Variants in KCNN3 observed in about 807,000 individuals in gnomAD.
The protein encoded by KCNN3 is small conductance calcium-activated potassium channel protein 3.
KCNN3 carries 16 observed loss-of-function variants against 62.9 expected under a neutral mutation model. The observed-to-expected ratio is 0.25, with a 90% confidence interval of 0.17 to 0.39. The LOEUF is 0.39. Among genes scored for constraint, KCNN3 ranks in the 10% least tolerant of loss-of-function variants. The pLI is 1.00. For synonymous variants in KCNN3, 370 were observed against 389.2 expected (o/e 0.95, Z 0.58); for missense variants, 599 against 949.4 (o/e 0.63, Z 4.85).
At chr1:154,727,423 C>A (rs1266630236) in intron 4 of KCNN3, among the ~76,000 whole-genome samples, 1 of 152,192 alleles carries the variant, frequency 6.6e-6, no homozygotes, top group Non-Finnish European at 1.5e-5. Context: ...TGGGTGGATC[C>A]ATTCCCTACT....
intron 2 of KCNN3, among the ~76,000 whole-genome samples, chr1:154,783,759 G>A (rs1026444975): frequency 2.0e-5 from 3 of 152,226 alleles, no homozygotes; most frequent in Admixed American, 1.3e-4. Flanking sequence ...GGAGGCCGGA[G>A]CCCACTGAGG....
intron 2 of KCNN3, among the ~76,000 whole-genome samples, chr1:154,813,112 C>T (rs1650497640): frequency 6.6e-6 from 1 of 152,054 alleles, no homozygotes; most frequent in African/African-American, 2.4e-5. Context: ...AAGTGATCAG[C>T]ATCCCAGACA....
At chr1:154,838,598 C>T (rs1233620614) in intron 1 of KCNN3, among the ~76,000 whole-genome samples, 1 of 152,204 alleles carries the variant, frequency 6.6e-6, no homozygotes, top group East Asian at 1.9e-4. Context: ...GAACAACCTC[C>T]CTGCCTTAGC....
At chr1:154,765,047 A>G (rs1270600835) in intron 3 of KCNN3, among the ~76,000 whole-genome samples, 1 of 152,204 alleles carries the variant, frequency 6.6e-6, no homozygotes, top group African/African-American at 2.4e-5. Context: ...AGGGAGAGTC[A>G]GCTCTGGGAT....
chr1:154,788,742 T>C (rs1385394991), intron 2 of KCNN3, among the ~76,000 whole-genome samples: 1 of 152,218 alleles, frequency 6.6e-6, no homozygotes, highest in East Asian at 1.9e-4. Context: ...ACGTGCTTTT[T>C]AGTTATTTTA....
At chr1:154,787,613 T>G (rs1702180) in intron 2 of KCNN3, among the ~76,000 whole-genome samples, 1,994 of 152,238 alleles carry the variant, frequency 0.013, 37 homozygotes, top group African/African-American at 0.044. Context: ...CTGCTGTGTG[T>G]TCAATGCCCA....
At chr1:154,826,062 C>CA (rs66840003) in intron 1 of KCNN3, among the ~76,000 whole-genome samples, 1 of 129,418 alleles carries the variant, frequency 7.7e-6, no homozygotes, top group African/African-American at 3.3e-5. Context: ...AAAACAAAAA[C>CA]AAAAACAAAA....
At position 154,705,446 on chromosome 1, in the gene KCNN3, A is replaced by G. The variant is rs1043631278; in HGVS notation, c.*2530T>C. 8 of 152,008 alleles carry G rather than the reference A, an allele frequency of 5.3e-5. No individual in the cohort carries two copies. Among genetic ancestry groups the G allele is most frequent in the African/African-American group, 1.9e-4 (8 of 41,400 alleles). 9.4% of individuals were successfully genotyped at this position (152,008 alleles called of 1,614,324 possible). ...AAAAATCATGTATAGCTATTGCACT[A>G]CCAATAGGTCAATTCATGCTACAAA... On this transcript the variant is annotated 3_prime_UTR_variant, in exon 8 of 8. Transcript: ENST00000271915.
intron 2 of KCNN3, among the ~76,000 whole-genome samples, chr1:154,778,513 G>A (rs6426929): frequency 0.47 from 71,484 of 151,606 alleles, 17,115 homozygotes; most frequent in Middle Eastern, 0.6. Context: ...AAAGGCCACA[G>A]ATTCCTCCCA....
chr1:154,843,025 G>A (rs1381742973), intron 1 of KCNN3, among the ~76,000 whole-genome samples: 1 of 152,170 alleles, frequency 6.6e-6, no homozygotes, highest in Non-Finnish European at 1.5e-5. Flanking sequence ...CGAAGGACCT[G>A]ACACTTATAA....
intron 1 of KCNN3, among the ~76,000 whole-genome samples, chr1:154,844,602 T>C (rs985651663): frequency 6.6e-6 from 1 of 152,264 alleles, no homozygotes; most frequent in Non-Finnish European, 1.5e-5. Context: ...TCTGGGTTTG[T>C]ATCGCTTTTT....
At chr1:154,742,492 G>A (rs1048415099) in intron 3 of KCNN3, among the ~76,000 whole-genome samples, 2 of 152,178 alleles carry the variant, frequency 1.3e-5, no homozygotes, top group African/African-American at 4.8e-5. Flanking sequence ...GTTACTGTGA[G>A]GGTTAAAGGA....
At chr1:154,828,824 T>C (rs1651259340) in intron 1 of KCNN3, among the ~76,000 whole-genome samples, 1 of 152,266 alleles carries the variant, frequency 6.6e-6, no homozygotes, top group Non-Finnish European at 1.5e-5. Context: ...AGCTGCTCAC[T>C]GCACCCCCAA....
chr1:154,714,788 G>C (rs1401918550), intron 6 of KCNN3, 88 bp downstream of exon 6: 4 of 1,546,708 alleles, frequency 2.6e-6, no homozygotes, highest in Non-Finnish European at 3.6e-6. Context: ...GAACAGAATG[G>C]ATTTCTTCTG....
chr1:154,768,723 G>A (rs1375397149), intron 3 of KCNN3, among the ~76,000 whole-genome samples: 1 of 152,166 alleles, frequency 6.6e-6, no homozygotes, highest in Non-Finnish European at 1.5e-5. Flanking sequence ...CCTGGAGGGG[G>A]CATCTGTCCC....
At chr1:154,780,002 C>A (rs1309845612) in intron 2 of KCNN3, among the ~76,000 whole-genome samples, 1 of 152,104 alleles carries the variant, frequency 6.6e-6, no homozygotes, top group Non-Finnish European at 1.5e-5. Context: ...GCCATCTGGA[C>A]ACCTCAGGAC....
At chr1:154,797,825 C>T (rs965958503) in intron 2 of KCNN3, among the ~76,000 whole-genome samples, 1 of 152,156 alleles carries the variant, frequency 6.6e-6, no homozygotes, top group Non-Finnish European at 1.5e-5. Context: ...AGGGGTGTGG[C>T]TCTGCCTGAG....
intron 1 of KCNN3, among the ~76,000 whole-genome samples, chr1:154,864,422 C>T (rs1215285336): frequency 6.6e-6 from 1 of 152,252 alleles, no homozygotes; most frequent in Non-Finnish European, 1.5e-5. Context: ...CTTCCGTGAC[C>T]AGGGAGAGCA....
intron 1 of KCNN3, among the ~76,000 whole-genome samples, chr1:154,836,616 G>A (rs190225260): frequency 1.3e-5 from 2 of 152,332 alleles, no homozygotes; most frequent in South Asian, 2.1e-4. Flanking sequence ...AGTTTGCTGC[G>A]TCTTTTCTTC....
Sources: allele counts gnomAD v4.1 joint callset (sites outside exome capture counted in the v4.1 genomes callset), GRCh38; gene constraint gnomAD v4.1.1; transcripts MANE v1.5; gene names NCBI Gene and HGNC (gene_info 2026-07-23, HGNC 2026-07-21).